Variants in TYMP observed in about 807,000 individuals in gnomAD.
TYMP encodes the protein gliostatin.
A neutral mutation model predicts 42.3 loss-of-function variants in TYMP; 46 were observed. The observed-to-expected ratio is 1.09, with a 90% CI of 0.86 to 1.39. The LOEUF is 1.39. TYMP is among the 40% of genes most tolerant of loss of function. The pLI is 0.00. For missense variants in TYMP, 837 were observed against 677.6 expected, an observed-to-expected ratio of 1.24 and a Z score of -2.61; for synonymous variants, 363 against 308.0, an observed-to-expected ratio of 1.18 and a Z score of -1.87.
At chr22:50,526,806 T>G in intron 6 of TYMP, 68 bp from the exon 7 acceptor site, 2 of 1,487,332 alleles carry the variant, frequency 1.3e-6, no homozygotes, top group Non-Finnish European at 1.8e-6. Flanking sequence ...TTGGTCGAAC[T>G]CCAGCCCCTG....
At chr22:50,527,400 TATG>T in intron 5 of TYMP, 117 bp from the exon 6 acceptor site, 1 of 1,242,666 alleles carries the variant, frequency 8.0e-7, no homozygotes, top group Non-Finnish European at 1.2e-6. Flanking sequence ...AGTCCCTTAT[TATG>T]GGGGTGGCAG....
intron 8 of TYMP, 47 bp from the exon 9 acceptor site, chr22:50,526,188 C>T: frequency 1.4e-6 from 2 of 1,474,924 alleles, no homozygotes; most frequent in Non-Finnish European, 1.8e-6. Context: ...AGGGGCGGGG[C>T]CTCGGGAAGG....
chr22:50,529,389 C>G, intron 2 of TYMP, 51 bp from the exon 3 acceptor site: 1 of 1,608,636 alleles, frequency 6.2e-7, no homozygotes, highest in Non-Finnish European at 8.5e-7. Context: ...GGTGGGGCAC[C>G]CTGGGGCCGG....
intron 6 of TYMP, 83 bp from the exon 7 acceptor site, chr22:50,526,821 A>G (rs2069407104): frequency 1.4e-6 from 2 of 1,425,252 alleles, no homozygotes; most frequent in Non-Finnish European, 1.9e-6. Context: ...CCCCTGCTGC[A>G]CCCTGGGTTG....
Position 50,526,010 on chromosome 22 carries a change from G to A in TYMP, c.1291C>T (p.Leu431=). The A allele has an allele frequency of 2.1e-6, 3 of 1,458,316 alleles. No homozygotes were observed. Among genetic ancestry groups the A allele is most frequent in the Non-Finnish European group, 2.7e-6 (3 of 1,111,764 alleles). 90.3% of individuals were successfully genotyped at this position (1,458,316 alleles called of 1,614,324 possible). A position where few individuals can be genotyped will look rare whatever the true frequency, so the allele number is the denominator to read the frequency against. Residue 431 remains leucine (L), a synonymous_variant, in exon 9 of 10, where the codon CTG becomes TTG. Transcript: ENST00000252029. ...AELLVDVGQR[L]RRGTPWLRVH... ...CGGGGGCGGCGCTCACCACGGCGCA[G>A]CCTCTGACCCACGTCGACCAGCAGC...
Position 50,527,291 on chromosome 22 carries a change from G to A in TYMP, c.647-8C>T, listed in dbSNP as rs753922795. Reference sequence around the variant, plus strand: ...TCTTACTGAGAATGGAGGCTTTGGGGGAGGCAGAGGAGGTTGGAGACAATG... The same window carrying A: ...TCTTACTGAGAATGGAGGCTTTGGGAGAGGCAGAGGAGGTTGGAGACAATG... On this transcript the variant is annotated splice_region_variant and splice_polypyrimidine_tract_variant and intron_variant, in intron 5 of 9. Coordinates refer to ENST00000252029, the MANE Select transcript of TYMP (RefSeq NM_001953.5). 1.9e-5 allele frequency: 30 copies of A among 1,600,040 alleles called. No individual in the cohort carries two copies. In the South Asian group the frequency reaches 3.2e-4, roughly 17 times the overall value.
At chr22:50,526,780 C>T (rs1385852106) in intron 6 of TYMP, 42 bp from the exon 7 acceptor site, 7 of 1,525,748 alleles carry the variant, frequency 4.6e-6, no homozygotes, top group African/African-American at 4.1e-5. Flanking sequence ...ATGGCGGGGC[C>T]TTCTGCAGCC....
chr22:50,528,491 C>G, intron 4 of TYMP, 21 bp downstream of exon 4: 1 of 1,600,084 alleles, frequency 6.2e-7, no homozygotes, highest in Middle Eastern at 1.7e-4. Context: ...GGATTAATGA[C>G]TGATCCGTGG....
At chr22:50,527,952 C>CT (rs1346843390) in intron 4 of TYMP, 301 of 543,974 alleles carry the variant, frequency 5.5e-4, no homozygotes, top group East Asian at 7.5e-4. Flanking sequence ...TTTTTTTCTT[C>CT]TTTTTTTTGT....
Position 50,526,481 on chromosome 22 carries a change from G to T in TYMP, c.929-5C>A. 1 of 1,447,120 alleles carries T rather than the reference G, an allele frequency of 6.9e-7. No homozygotes were observed. The highest frequency in any genetic ancestry group is 9.1e-7 in the Non-Finnish European group (1 of 1,093,878). The allele number at this position is 1,447,120 out of a possible 1,614,324, so 89.6% of individuals were successfully genotyped here. A position where few individuals can be genotyped will look rare whatever the true frequency, so the allele number is the denominator to read the frequency against. On this transcript the variant is annotated splice_region_variant and splice_polypyrimidine_tract_variant and intron_variant, in intron 7 of 9. Transcript: ENST00000252029. ...TGAGCCAGAGCAGGGCGCCCCCTGC[G>T]GGCGGGGACGGGTCTTAGGCGCGGC...
chr22:50,527,808 TC>T, intron 4 of TYMP, 91 bp from the exon 5 acceptor site: 3 of 1,545,710 alleles, frequency 1.9e-6, no homozygotes, highest in Non-Finnish European at 2.6e-6. Context: ...AGAGTCTTCC[TC>T]TGTTGCCCAG....
chr22:50,529,803 C>G, intron 1 of TYMP, 84 bp from the exon 2 acceptor site: 2 of 1,180,600 alleles, frequency 1.7e-6, no homozygotes, highest in Non-Finnish European at 2.4e-6. Context: ...GACCCCTTTC[C>G]CGTGTCTCTC....
Position 50,525,998 on chromosome 22 carries a change from C to T in TYMP, c.1300+3G>A, listed in dbSNP as rs1295785500. ...GGGCCAGCAGGGCGGGGGCGGCGCT[C>T]ACCACGGCGCAGCCTCTGACCCACG... On this transcript the variant is annotated splice_donor_region_variant and intron_variant, in intron 9 of 9. Coordinates refer to ENST00000252029, the MANE Select transcript of TYMP (RefSeq NM_001953.5). The T allele has an allele frequency of 8.4e-6, 12 of 1,422,356 alleles. No individual in the cohort carries two copies. The highest frequency in any genetic ancestry group is 4.6e-6 in the Non-Finnish European group (5 of 1,093,548). The allele number at this position is 1,422,356 out of a possible 1,614,324, so 88.1% of individuals were successfully genotyped here. A position where few individuals can be genotyped will look rare whatever the true frequency, so the allele number is the denominator to read the frequency against.
At chr22:50,526,553 C>A (rs780132718) in intron 7 of TYMP, 23 bp downstream of exon 7, 1 of 1,556,228 alleles carries the variant, frequency 6.4e-7, no homozygotes, top group Non-Finnish European at 8.7e-7. Context: ...CGCCTCCGCT[C>A]CCCTACACCC....
rs199760659 is a variant in TYMP, at chr22:50,527,744, G to A, written c.517-27C>T. On this transcript the variant is annotated intron_variant, in intron 4 of 9. Transcript: ENST00000252029. ...TGGTCAGACATCCCCTGTTCTCAGTGACTTATGGTAAATGACTTAGCAGCT... is the reference window on the plus strand; with the variant it reads ...TGGTCAGACATCCCCTGTTCTCAGTAACTTATGGTAAATGACTTAGCAGCT... The A allele has an allele frequency of 4.2e-5, 65 of 1,530,638 alleles. No homozygotes were observed. The African/African-American group carries it at 9.0e-4, about 21-fold the overall frequency. 94.8% of individuals were successfully genotyped at this position (1,530,638 alleles called of 1,614,324 possible).
rs1419699854 is a variant in TYMP, at chr22:50,526,066, C to G, written c.1235G>C (p.Gly412Ala). 6.7e-7 allele frequency: 1 copy of G among 1,484,254 alleles called. No individual in the cohort carries two copies. Among genetic ancestry groups the G allele is most frequent in the African/African-American group, 1.5e-5 (1 of 68,186 alleles). 91.9% of individuals were successfully genotyped at this position (1,484,254 alleles called of 1,614,324 possible). The part of the protein sequence containing the change: ...HELGAGRSRA[G>A]EPLRLGVGAE... ...GCCCACCCCCAGGCGGAGCGGCTCC[C>G]CAGCGCGGCTGCGCCCGGCCCCGAG... Residue 412 changes from glycine (G) to alanine (A), a missense_variant, in exon 9 of 10, where the codon GGG (glycine) becomes GCG (alanine). Physicochemically the swap from Gly to Ala is moderately conservative, Grantham distance 60. Transcript: ENST00000252029.
At chr22:50,528,854 C>T (rs967298638) in intron 3 of TYMP, 3 of 612,870 alleles carry the variant, frequency 4.9e-6, no homozygotes, top group East Asian at 2.7e-5. Flanking sequence ...TCCTCAGCTC[C>T]TCCCTTGGGG....
At chr22:50,529,431 G>T (rs915659434) in intron 2 of TYMP, 65 bp downstream of exon 2, 2 of 1,606,228 alleles carry the variant, frequency 1.2e-6, no homozygotes, top group Admixed American at 1.7e-5. Flanking sequence ...GCACCCCCAG[G>T]GACCCAAAGT....
At chr22:50,527,972 G>A (rs937969480) in intron 4 of TYMP, 1 of 503,138 alleles carries the variant, frequency 2.0e-6, no homozygotes, top group Non-Finnish European at 3.5e-6. Context: ...TAGAGATCAA[G>A]TTTCACTATA....
Sources: allele counts gnomAD v4.1 joint callset, GRCh38; gene constraint gnomAD v4.1.1; transcripts MANE v1.5; gene names NCBI Gene and HGNC (gene_info 2026-07-23, HGNC 2026-07-21).